KIF6: variants seen among roughly 807,000 people sequenced by gnomAD.
KIF6 encodes the protein kinesin family member 6.
In KIF6, 106 loss-of-function variants were observed where a neutral mutation model predicts 112.7. The ratio of observed to expected loss-of-function variants is 0.94; its 90% CI spans 0.80 to 1.11. KIF6 has a LOEUF of 1.11. Ranked by LOEUF, KIF6 falls within the 50% of genes least tolerant of loss-of-function variation. The pLI is 0.00. For synonymous variants in KIF6, 339 were observed against 339.9 expected, an observed-to-expected ratio of 1.00 and a Z score of 0.03; for missense variants, 929 against 964.0, an observed-to-expected ratio of 0.96 and a Z score of 0.48.
intron 13 of KIF6, among the ~76,000 whole-genome samples, chr6:39,515,855 C>T (rs922930651): frequency 1.3e-5 from 2 of 152,060 alleles, no homozygotes; most frequent in South Asian, 2.1e-4. Context: ...CATACTTATG[C>T]GTTATTAAAA....
At position 39,343,437 on chromosome 6, in the gene KIF6, C is replaced by T. The variant is rs1366447051; in HGVS notation, c.2428+272G>A. ...AACAGAGAACAAAGGAGCTGAAGATCTGGAAGAGACAGAGAGCAAGCTCTG... is the reference window on the plus strand; with the variant it reads ...AACAGAGAACAAAGGAGCTGAAGATTTGGAAGAGACAGAGAGCAAGCTCTG... On this transcript the variant is annotated intron_variant, in intron 22 of 22. Coordinates refer to ENST00000287152, the MANE Select transcript of KIF6 (RefSeq NM_145027.6). This position sits in a 1 kb window ranked among gnomAD's most constrained non-coding sequence, Gnocchi z 4.1. 2 of 1,417,340 alleles carry T rather than the reference C, an allele frequency of 1.4e-6. No individual in the cohort carries two copies. The highest frequency in any genetic ancestry group is 4.2e-5 in the Admixed American group (2 of 47,220). 87.8% of individuals were successfully genotyped at this position (1,417,340 alleles called of 1,614,324 possible). A position where few individuals can be genotyped will look rare whatever the true frequency, so the allele number is the denominator to read the frequency against.
chr6:39,693,841 C>T (rs890303556), intron 3 of KIF6, among the ~76,000 whole-genome samples: 4 of 152,036 alleles, frequency 2.6e-5, no homozygotes, highest in Non-Finnish European at 5.9e-5. Flanking sequence ...CATCCTGATA[C>T]CAAAATCTGG....
At chr6:39,519,659 T>A (rs778165342) in intron 13 of KIF6, among the ~76,000 whole-genome samples, 3 of 140,274 alleles carry the variant, frequency 2.1e-5, no homozygotes, top group Non-Finnish European at 3.1e-5. Flanking sequence ...TGTCTGGTGT[T>A]AATATGACAT....
chr6:39,366,729 G>A (rs979050373), intron 16 of KIF6, among the ~76,000 whole-genome samples: 5 of 152,318 alleles, frequency 3.3e-5, no homozygotes, highest in African/African-American at 1.2e-4. Context: ...GCCAGGAGCG[G>A]TTGGGAAGGG....
intron 5 of KIF6, among the ~76,000 whole-genome samples, chr6:39,613,828 T>C (rs1045907821): frequency 9.2e-5 from 14 of 152,202 alleles, no homozygotes; most frequent in Non-Finnish European, 1.5e-5. Flanking sequence ...ATTCCCCTAT[T>C]GAGTTTTCTC....
intron 3 of KIF6, among the ~76,000 whole-genome samples, chr6:39,678,509 T>C (rs1787312248): frequency 6.6e-6 from 1 of 152,174 alleles, no homozygotes; most frequent in Non-Finnish European, 1.5e-5. Flanking sequence ...TAGGATGAGT[T>C]ATAGCTTGAG....
intron 15 of KIF6, among the ~76,000 whole-genome samples, chr6:39,412,290 G>A (rs1309966789): frequency 2.0e-5 from 3 of 152,068 alleles, no homozygotes; most frequent in African/African-American, 7.2e-5. Context: ...TTCATGTCTT[G>A]GAATATTCTG....
intron 13 of KIF6, among the ~76,000 whole-genome samples, chr6:39,483,498 G>T (rs1187100899): frequency 6.6e-6 from 1 of 152,136 alleles, no homozygotes; most frequent in Non-Finnish European, 1.5e-5. Context: ...TCACACTGGG[G>T]TGTACCTTTG....
chr6:39,377,814 C>T (rs1345991353), intron 16 of KIF6, among the ~76,000 whole-genome samples: 2 of 152,132 alleles, frequency 1.3e-5, no homozygotes, highest in Non-Finnish European at 2.9e-5. Flanking sequence ...TAGTGAAACA[C>T]CAGCCAGTGG....
chr6:39,440,992 T>C (rs1324332153), intron 13 of KIF6, among the ~76,000 whole-genome samples: 1 of 152,140 alleles, frequency 6.6e-6, no homozygotes, highest in Non-Finnish European at 1.5e-5. Flanking sequence ...ACAGATCTTA[T>C]AAGAGAAATG....
At chr6:39,492,123 A>T (rs1156986578) in intron 13 of KIF6, among the ~76,000 whole-genome samples, 1 of 152,112 alleles carries the variant, frequency 6.6e-6, no homozygotes, top group Non-Finnish European at 1.5e-5. Flanking sequence ...CTAGGGTAGT[A>T]CCTCTCTGAC....
At chr6:39,657,205 C>T (rs55941685) in intron 3 of KIF6, among the ~76,000 whole-genome samples, 2 of 151,058 alleles carry the variant, frequency 1.3e-5, no homozygotes, top group Non-Finnish European at 2.9e-5. Flanking sequence ...TGCACTCCAG[C>T]CTGGGCAACA....
chr6:39,506,354 G>C (rs1207721256), intron 13 of KIF6, among the ~76,000 whole-genome samples: 1 of 152,098 alleles, frequency 6.6e-6, no homozygotes, highest in Non-Finnish European at 1.5e-5. Flanking sequence ...ACCGGGGCCT[G>C]TTGGGGGTTG....
intron 15 of KIF6, among the ~76,000 whole-genome samples, chr6:39,401,766 T>C (rs979409357): frequency 6.6e-6 from 1 of 152,044 alleles, no homozygotes; most frequent in Non-Finnish European, 1.5e-5. Flanking sequence ...GGGATGCAGG[T>C]GGGGCTCTGA....
intron 8 of KIF6, 141 bp from the exon 9 acceptor site, chr6:39,585,125 C>T: frequency 1.8e-6 from 1 of 552,506 alleles, no homozygotes; most frequent in Non-Finnish European, 3.2e-6. Context: ...GAACTATGCC[C>T]CTAAATTAGG....
intron 3 of KIF6, among the ~76,000 whole-genome samples, chr6:39,647,380 G>C (rs973833355): frequency 3.9e-5 from 6 of 151,998 alleles, no homozygotes; most frequent in Non-Finnish European, 8.8e-5. Context: ...AGCTCAAGAG[G>C]GGCAGGCAGG....
rs555607230 is a variant in KIF6, at chr6:39,455,871, G to A, written c.1646-24710C>T. On this transcript the variant is annotated intron_variant, in intron 13 of 22. Transcript: ENST00000287152. ...GCCTCCAAGAAATATGGGACTATGTGAAAAGACCAAATCTACGTCTGATTG... is the reference window on the plus strand; with the variant it reads ...GCCTCCAAGAAATATGGGACTATGTAAAAAGACCAAATCTACGTCTGATTG... 2.1e-3 allele frequency among the ~76,000 whole-genome samples: 282 copies of A among 131,178 alleles called. 4 individuals carry two copies. Among genetic ancestry groups the A allele is most frequent in the African/African-American group, 7.9e-3 (275 of 34,840 alleles). The allele number at this position is 131,178 out of a possible 152,430, so 86.1% of individuals were successfully genotyped here.
chr6:39,721,987 A>G (rs1270656578), intron 1 of KIF6, among the ~76,000 whole-genome samples: 1 of 152,134 alleles, frequency 6.6e-6, no homozygotes, highest in Admixed American at 6.5e-5. Flanking sequence ...TCCTAAGTAT[A>G]TTTTTATTGA....
At chr6:39,488,672 T>A (rs1489435902) in intron 13 of KIF6, among the ~76,000 whole-genome samples, 6 of 152,232 alleles carry the variant, frequency 3.9e-5, no homozygotes, top group African/African-American at 1.4e-4. Context: ...TTGGTAAATA[T>A]CTGCTGAATA....
Sources: allele counts gnomAD v4.1 joint callset (sites outside exome capture counted in the v4.1 genomes callset), GRCh38; gene constraint gnomAD v4.1.1; non-coding constraint Gnocchi (gnomAD v3.1); transcripts MANE v1.5; gene names NCBI Gene and HGNC (gene_info 2026-07-23, HGNC 2026-07-21).